The following HNRNPLL variants were observed in gnomAD, a reference collection of about 807,000 sequenced individuals.
HNRNPLL encodes heterogeneous nuclear ribonucleoprotein L like, also known as heterogeneous nuclear ribonucleoprotein L-like.
In HNRNPLL, 25 loss-of-function variants were observed where a neutral mutation model predicts 67.1. That is an observed-to-expected ratio of 0.37 (90% CI 0.27 to 0.52). The LOEUF (loss-of-function observed/expected upper bound fraction) is 0.52, where lower values mean the gene tolerates loss of function less well. Among genes scored for constraint, HNRNPLL ranks in the 20% least tolerant of loss-of-function variants. HNRNPLL has a pLI of 0.90. For missense variants in HNRNPLL, 542 were observed against 673.9 expected (o/e 0.80, Z 2.17); for synonymous variants, 267 against 241.7 (o/e 1.10, Z -0.97).
intron 2 of HNRNPLL, 51 bp downstream of exon 2, chr2:38,591,479 G>A (rs763553538): frequency 2.1e-6 from 2 of 946,482 alleles, no homozygotes; most frequent in African/African-American, 1.6e-5. Context: ...AAGCAAGCAA[G>A]GATTATTCTA....
intron 6 of HNRNPLL, chr2:38,581,198 C>A (rs982175050): frequency 1.3e-5 from 2 of 152,328 alleles, no homozygotes; most frequent in East Asian, 3.9e-4. Flanking sequence ...AAGCTGCACA[C>A]AGTCACAGTA....
intron 8 of HNRNPLL, 41 bp from the exon 9 acceptor site, chr2:38,569,966 C>A: frequency 6.9e-7 from 1 of 1,459,646 alleles, no homozygotes; most frequent in Non-Finnish European, 9.4e-7. Flanking sequence ...ATTTAATTCC[C>A]TTTTACAGTA....
intron 8 of HNRNPLL, among the ~76,000 whole-genome samples, chr2:38,572,182 C>G (rs536510129): frequency 6.6e-6 from 1 of 151,754 alleles, no homozygotes; most frequent in African/African-American, 2.4e-5. Context: ...TATAGGTATC[C>G]CATATGTTAT....
At chr2:38,588,411 C>T (rs1324309189) in intron 2 of HNRNPLL, among the ~76,000 whole-genome samples, 5 of 151,648 alleles carry the variant, frequency 3.3e-5, no homozygotes, top group South Asian at 2.1e-4. Flanking sequence ...TAGCCAGGCA[C>T]GGTGGCAGGC....
At chr2:38,579,096 A>C (rs1442110581) in intron 6 of HNRNPLL, among the ~76,000 whole-genome samples, 1 of 152,110 alleles carries the variant, frequency 6.6e-6, no homozygotes, top group African/African-American at 2.4e-5. Flanking sequence ...AAACCACAAC[A>C]ACCATAATGT....
chr2:38,602,774 G>A lies in HNRNPLL; in HGVS notation c.-148C>T. 1 of 1,527,766 alleles carries A rather than the reference G, an allele frequency of 6.5e-7. No homozygotes were observed. The highest frequency in any genetic ancestry group is 8.8e-7 in the Non-Finnish European group (1 of 1,137,162). The allele number at this position is 1,527,766 out of a possible 1,614,324, so 94.6% of individuals were successfully genotyped here. A position where few individuals can be genotyped will look rare whatever the true frequency, so the allele number is the denominator to read the frequency against. ...GCCGTCCGCGGGGACTGCGCGGCCA[G>A]GAGACTGGCGGCTGAGAAGCGCGGA... On this transcript the variant is annotated 5_prime_UTR_variant, in exon 1 of 13. Coordinates refer to ENST00000449105, the MANE Select transcript of HNRNPLL (RefSeq NM_138394.4).
intron 1 of HNRNPLL, among the ~76,000 whole-genome samples, chr2:38,600,449 A>C (rs1280640212): frequency 1.3e-5 from 2 of 152,196 alleles, no homozygotes; most frequent in Non-Finnish European, 2.9e-5. Context: ...TGCTAAGACC[A>C]GGTGCGGTGG....
rs183167400 is a variant in HNRNPLL at position 38,582,779 on chromosome 2, G to C, written c.633-611C>G. Among the ~76,000 whole-genome samples, 680 of 151,988 alleles carry C rather than the reference G, an allele frequency of 4.5e-3. 6 individuals are homozygous for C. Among genetic ancestry groups the C allele is most frequent in the African/African-American group, 0.015 (641 of 41,426 alleles). On this transcript the variant is annotated intron_variant, in intron 4 of 12. Coordinates refer to ENST00000449105, the MANE Select transcript of HNRNPLL (RefSeq NM_138394.4). ...TACTAAAAATACAAAAATTAGCTGG[G>C]TGTGGTGGCAGGTGCCTGTCATCCC...
At chr2:38,572,774 T>C (rs1405611248) in intron 8 of HNRNPLL, among the ~76,000 whole-genome samples, 1 of 152,030 alleles carries the variant, frequency 6.6e-6, no homozygotes, top group African/African-American at 2.4e-5. Context: ...CCCTGGCATT[T>C]AGGAAGCAAG....
intron 3 of HNRNPLL, among the ~76,000 whole-genome samples, chr2:38,584,437 G>C (rs1328105737): frequency 6.6e-6 from 1 of 152,070 alleles, no homozygotes; most frequent in Non-Finnish European, 1.5e-5. Flanking sequence ...AGTTCCAATG[G>C]AACATTTGGA....
At chr2:38,570,210 T>C (rs888774091) in intron 8 of HNRNPLL, among the ~76,000 whole-genome samples, 1 of 152,222 alleles carries the variant, frequency 6.6e-6, no homozygotes, top group Non-Finnish European at 1.5e-5. Context: ...CTCTGAGCCA[T>C]GGATTGTCGC....
At chr2:38,591,920 G>C (rs1666973751) in intron 1 of HNRNPLL, among the ~76,000 whole-genome samples, 1 of 152,078 alleles carries the variant, frequency 6.6e-6, no homozygotes, top group Non-Finnish European at 1.5e-5. Context: ...AGGCTGCAGT[G>C]AGCCAAGATC....
At position 38,562,323 on chromosome 2, in the gene HNRNPLL, G is replaced by A. The variant is rs756728204; in HGVS notation, c.*1859C>T. The A allele has an allele frequency of 6.6e-6, 1 of 152,068 alleles. No individual in the cohort carries two copies. Among genetic ancestry groups the A allele is most frequent in the Non-Finnish European group, 1.5e-5 (1 of 67,974 alleles). 9.4% of individuals were successfully genotyped at this position (152,068 alleles called of 1,614,324 possible). ...TACTCCCAAACAATTCACTTATTTT[G>A]GTGGAGAGAGAGCCTTACAGATAAA... On this transcript the variant is annotated 3_prime_UTR_variant, in exon 13 of 13. Transcript: ENST00000449105.
chr2:38,596,881 T>C (rs1296605695), intron 1 of HNRNPLL, among the ~76,000 whole-genome samples: 1 of 152,158 alleles, frequency 6.6e-6, no homozygotes, highest in Non-Finnish European at 1.5e-5. Flanking sequence ...CAAACTTACA[T>C]AATCTCTTCT....
rs1309695556 is a variant in HNRNPLL, at chr2:38,591,468, C to CATCA, written c.308+61_308+62insTGAT. 2.1e-4 allele frequency: 191 copies of CATCA among 888,522 alleles called. 1 individual carries two copies. The highest frequency in any genetic ancestry group is 3.2e-4 in the Non-Finnish European group (166 of 521,494). 55.0% of individuals were successfully genotyped at this position (888,522 alleles called of 1,614,324 possible). Reference sequence around the variant, plus strand: ...CTATGCTAAACATCAAGGCTTGTAACAAGCAAGCAAGGATTATTCTACCAC... The same window carrying CATCA: ...CTATGCTAAACATCAAGGCTTGTAACATCAAAGCAAGCAAGGATTATTCTACCAC... On this transcript the variant is annotated intron_variant, in intron 2 of 12. Coordinates refer to ENST00000449105, the MANE Select transcript of HNRNPLL (RefSeq NM_138394.4).
chr2:38,585,922 G>C, intron 2 of HNRNPLL, 41 bp from the exon 3 acceptor site: 1 of 1,169,344 alleles, frequency 8.6e-7, no homozygotes, highest in African/African-American at 1.5e-5. Flanking sequence ...AACACAGCAA[G>C]TTCCGTTAAC....
chr2:38,592,680 G>A (rs1667011453), intron 1 of HNRNPLL, among the ~76,000 whole-genome samples: 1 of 152,146 alleles, frequency 6.6e-6, no homozygotes, highest in African/African-American at 2.4e-5. Flanking sequence ...CTTTGAAAAT[G>A]CAAATAGCTT....
At chr2:38,579,518 C>T (rs1179333391) in intron 6 of HNRNPLL, among the ~76,000 whole-genome samples, 1 of 151,744 alleles carries the variant, frequency 6.6e-6, no homozygotes, top group African/African-American at 2.4e-5. Context: ...AAAGTTGAAC[C>T]CTAAATATAT....
intron 1 of HNRNPLL, 36 bp downstream of exon 1, chr2:38,602,402 C>A: frequency 6.5e-7 from 1 of 1,545,486 alleles, no homozygotes; most frequent in Non-Finnish European, 8.7e-7. Context: ...CGGGGAGCAG[C>A]CAGGCACAGC....
Sources: gnomAD v4.1 joint callset for allele counts (sites outside exome capture counted in the v4.1 genomes callset) on GRCh38, gnomAD v4.1.1 for gene constraint, MANE v1.5 for transcripts, NCBI Gene and HGNC (gene_info 2026-07-23, HGNC 2026-07-21) for gene names.